The following SNX29 variants were observed in gnomAD, a reference collection of about 807,000 sequenced individuals.
The protein encoded by SNX29 is sorting nexin 29, also known as sorting nexin-29.
SNX29 carries 78 observed loss-of-function variants against 102.1 expected under a neutral mutation model. The observed-to-expected ratio is 0.76, with a 90% confidence interval of 0.64 to 0.92. SNX29 has a LOEUF of 0.92. Ranked by LOEUF, SNX29 falls within the 40% of genes least tolerant of loss-of-function variation. The pLI, the probability that SNX29 is intolerant of heterozygous loss-of-function variation, is 0.00. For synonymous variants in SNX29, 580 were observed against 414.5 expected (o/e 1.40, Z -4.85); for missense variants, 1,280 against 1,061.7 (o/e 1.21, Z -2.86).
At chr16:12,125,605 C>CTTTTTTTTTTTTT (rs36212472) in intron 11 of SNX29, among the ~76,000 whole-genome samples, 1 of 45,406 alleles carries the variant, frequency 2.2e-5, no homozygotes, top group Non-Finnish European at 4.1e-5. Context: ...TGAGATCTCT[C>CTTTTTTTTTTTTT]TTTTTTTTTT....
At chr16:12,315,185 C>T (rs1195007434) in intron 15 of SNX29, among the ~76,000 whole-genome samples, 1 of 152,114 alleles carries the variant, frequency 6.6e-6, no homozygotes, top group East Asian at 1.9e-4. Context: ...GAAGAGTGGC[C>T]AGGTGCATTG....
At chr16:12,555,216 C>A (rs1340402549) in intron 20 of SNX29, among the ~76,000 whole-genome samples, 3 of 151,738 alleles carry the variant, frequency 2.0e-5, no homozygotes, top group African/African-American at 7.3e-5. Context: ...TGGGCAGCTG[C>A]TGGGTACAGG....
In SNX29 at chr16:12,210,611, C is replaced by A. The variant is rs147280297; in HGVS notation, c.1678+10928C>A. 9.2e-4 allele frequency among the ~76,000 whole-genome samples: 140 copies of A among 152,162 alleles called. 1 individual carries two copies. The highest frequency in any genetic ancestry group is 2.3e-3 in the South Asian group (11 of 4,806). On this transcript the variant is annotated intron_variant, in intron 14 of 20. Transcript: ENST00000566228. ...CTCTCCCTCTGGACTCCTCCACTGC[C>A]GAGCTTCCACCACCTTTCTGGTCCC...
rs948149174 is a variant in SNX29, at chr16:12,555,349, G to C, written c.2319-13157G>C. Among the ~76,000 whole-genome samples the C allele has an allele frequency of 1.1e-4, 17 of 152,052 alleles. No homozygotes were observed. In the East Asian group the frequency reaches 3.3e-3, roughly 30 times the overall value. ...TTTCTTGGCACCTGAGAAACATGTT[G>C]GTTAACTTTTCTCCCATGAGGCGCT... On this transcript the variant is annotated intron_variant, in intron 20 of 20. Transcript: ENST00000566228.
intron 16 of SNX29, among the ~76,000 whole-genome samples, chr16:12,379,391 G>A (rs544462925): frequency 3.4e-4 from 52 of 152,286 alleles, no homozygotes; most frequent in Admixed American, 2.3e-3. Context: ...TAAAAGTATT[G>A]GGATTACAGG....
chr16:12,009,809 G>T (rs1383433521), intron 3 of SNX29, among the ~76,000 whole-genome samples: 1 of 152,150 alleles, frequency 6.6e-6, no homozygotes, highest in Non-Finnish European at 1.5e-5. Context: ...GGAATATTTT[G>T]CCCTCTAGAA....
At chr16:12,179,417 G>A (rs1215317106) in intron 13 of SNX29, among the ~76,000 whole-genome samples, 1 of 152,254 alleles carries the variant, frequency 6.6e-6, no homozygotes, top group Non-Finnish European at 1.5e-5. Flanking sequence ...CCCAGGAGTT[G>A]GAGGCTGAAT....
intron 20 of SNX29, among the ~76,000 whole-genome samples, chr16:12,565,536 G>C (rs565416289): frequency 8.5e-5 from 13 of 152,190 alleles, no homozygotes; most frequent in Non-Finnish European, 1.9e-4. Context: ...ATGGCCTCGA[G>C]GATTGAACCA....
In SNX29 at chr16:12,278,959, TA is replaced by T. The variant is rs577694911; in HGVS notation, c.1782+930del. On this transcript the variant is annotated intron_variant, in intron 15 of 20. Coordinates refer to ENST00000566228, the MANE Select transcript of SNX29 (RefSeq NM_032167.5). ...TTTTATAACCTTATTGATACCTGAT[TA>T]AAAAAAGGGTAATTCTTGGATATGA... Among the ~76,000 whole-genome samples the T allele has an allele frequency of 5.9e-5, 9 of 152,138 alleles. No individual in the cohort carries two copies. The East Asian group carries it at 1.7e-3, about 29-fold the overall frequency.
At chr16:12,520,618 A>T (rs988893233) in intron 19 of SNX29, among the ~76,000 whole-genome samples, 1 of 152,216 alleles carries the variant, frequency 6.6e-6, no homozygotes, top group Non-Finnish European at 1.5e-5. Flanking sequence ...TATCAGCCAT[A>T]AAAAAGGAAC....
intron 20 of SNX29, among the ~76,000 whole-genome samples, chr16:12,541,219 G>A (rs939875330): frequency 6.6e-6 from 1 of 152,150 alleles, no homozygotes; most frequent in Non-Finnish European, 1.5e-5. Context: ...TTGGTGCATG[G>A]AGAGAAGGAC....
chr16:12,554,613 C>G (rs989491045), intron 20 of SNX29, among the ~76,000 whole-genome samples: 1 of 152,190 alleles, frequency 6.6e-6, no homozygotes, highest in East Asian at 1.9e-4. Flanking sequence ...GGAGCTCACT[C>G]ACACATACCT....
rs534976437 is a variant in SNX29, at chr16:12,430,290, G to C, written c.2037+26761G>C. Among the ~76,000 whole-genome samples, 5 of 152,152 alleles carry C rather than the reference G, an allele frequency of 3.3e-5. No homozygotes were observed. In the South Asian group the frequency reaches 8.5e-4, roughly 26 times the overall value. ...TGGGAACTGCTGCTTTATTTTCTTTGTCTGCACAGTGGGGGCAATGCCACC... is the reference window on the plus strand; with the variant it reads ...TGGGAACTGCTGCTTTATTTTCTTTCTCTGCACAGTGGGGGCAATGCCACC... On this transcript the variant is annotated intron_variant, in intron 18 of 20. Transcript: ENST00000566228.
chr16:12,356,975 G>A (rs943429167), intron 16 of SNX29, among the ~76,000 whole-genome samples: 4 of 152,166 alleles, frequency 2.6e-5, no homozygotes, highest in African/African-American at 9.7e-5. Flanking sequence ...TACTTGCTTG[G>A]TTCTGTAGTT....
At chr16:12,491,281 T>A (rs1444735650) in intron 19 of SNX29, among the ~76,000 whole-genome samples, 2 of 152,352 alleles carry the variant, frequency 1.3e-5, no homozygotes, top group East Asian at 3.9e-4. Context: ...CTAGGTTGTG[T>A]GCCCATGAAT....
At chr16:12,148,158 A>T (rs2055145990) in intron 13 of SNX29, among the ~76,000 whole-genome samples, 1 of 152,188 alleles carries the variant, frequency 6.6e-6, no homozygotes, top group Non-Finnish European at 1.5e-5. Flanking sequence ...ATGCATTCTT[A>T]CTTGGAAGCT....
chr16:12,558,903 G>GAA (rs1302149757), intron 20 of SNX29, among the ~76,000 whole-genome samples: 1 of 152,234 alleles, frequency 6.6e-6, no homozygotes, highest in East Asian at 1.9e-4. Flanking sequence ...TTCAGGGCCT[G>GAA]AAAGCATTGT....
At chr16:12,127,167 G>C (rs978218378) in intron 12 of SNX29, among the ~76,000 whole-genome samples, 5 of 151,526 alleles carry the variant, frequency 3.3e-5, no homozygotes, top group Non-Finnish European at 5.9e-5. Flanking sequence ...GCTGAGGCAG[G>C]AGAATTGCTT....
intron 15 of SNX29, among the ~76,000 whole-genome samples, chr16:12,300,355 C>G (rs1000550035): frequency 3.3e-5 from 5 of 152,248 alleles, no homozygotes; most frequent in African/African-American, 1.2e-4. Context: ...CCCATAATGC[C>G]TTGGAGACAG....
Sources: gnomAD v4.1 joint callset for allele counts (sites outside exome capture counted in the v4.1 genomes callset) on GRCh38, gnomAD v4.1.1 for gene constraint, MANE v1.5 for transcripts, NCBI Gene and HGNC (gene_info 2026-07-23, HGNC 2026-07-21) for gene names.